FSHR: variants seen among roughly 807,000 people sequenced by gnomAD.
The protein encoded by FSHR is follicle-stimulating hormone receptor.
A neutral mutation model predicts 52.1 loss-of-function variants in FSHR; 46 were observed. The observed-to-expected ratio is 0.88, with a 90% CI of 0.70 to 1.13. The LOEUF is 1.13. Ranked by LOEUF, FSHR falls within the 50% of genes most tolerant of loss-of-function variation. The pLI is 0.00. For synonymous variants in FSHR, 399 were observed against 309.6 expected (o/e 1.29, Z -3.03); for missense variants, 964 against 834.6 (o/e 1.16, Z -1.91).
intron 2 of FSHR, among the ~76,000 whole-genome samples, chr2:49,021,113 A>G: frequency 6.6e-6 from 1 of 152,202 alleles, no homozygotes; most frequent in East Asian, 1.9e-4. Context: ...GAAAAATAAT[A>G]AAATAAAACA....
intron 2 of FSHR, among the ~76,000 whole-genome samples, chr2:49,030,048 A>T (rs965672136): frequency 6.6e-6 from 1 of 152,120 alleles, no homozygotes; most frequent in Non-Finnish European, 1.5e-5. Context: ...CGGCAGACCT[A>T]TCAGGGAGTA....
rs1363495760 is a variant in FSHR, at chr2:48,962,890, C to T, written c.1931G>A (p.Cys644Tyr). Residue 644 changes from cysteine (C) to tyrosine (Y), a missense_variant, in exon 10 of 10, where the codon TGT (cysteine) becomes TAT (tyrosine). Physicochemically the swap from Cys to Tyr is radical, Grantham distance 194. Coordinates refer to ENST00000406846, the MANE Select transcript of FSHR (RefSeq NM_000145.4). ...TTGGGCTTGCATTTCATAGCAGCCACACTTGCTCAGCAGAATGAAGAAATC... is the reference window on the plus strand; with the variant it reads ...TTGGGCTTGCATTTCATAGCAGCCATACTTGCTCAGCAGAATGAAGAAATC... ...RRDFFILLSKCGCYEMQAQIY... is the reference protein window; with the variant it reads ...RRDFFILLSKYGCYEMQAQIY... 6.2e-7 allele frequency: 1 copy of T among 1,614,150 alleles called. No individual in the cohort carries two copies. Among genetic ancestry groups the T allele is most frequent in the Non-Finnish European group, 8.5e-7 (1 of 1,180,026 alleles).
At chr2:48,964,678 A>G (rs1674389602) in intron 9 of FSHR, among the ~76,000 whole-genome samples, 1 of 152,166 alleles carries the variant, frequency 6.6e-6, no homozygotes, top group Non-Finnish European at 1.5e-5. Flanking sequence ...GCAAGCTGCA[A>G]AAGGACCTAA....
intron 6 of FSHR, among the ~76,000 whole-genome samples, chr2:48,988,216 A>G (rs1472582290): frequency 1.3e-5 from 2 of 152,228 alleles, no homozygotes; most frequent in African/African-American, 4.8e-5. Flanking sequence ...ATATTTTAAA[A>G]ACTCATACTG....
intron 1 of FSHR, among the ~76,000 whole-genome samples, chr2:49,133,538 T>C (rs1426634266): frequency 1.3e-5 from 2 of 152,118 alleles, no homozygotes; most frequent in Non-Finnish European, 2.9e-5. Flanking sequence ...AAGCTACCAA[T>C]GACTTTCTTC....
At chr2:49,050,268 C>A (rs896307802) in intron 2 of FSHR, among the ~76,000 whole-genome samples, 2 of 152,066 alleles carry the variant, frequency 1.3e-5, no homozygotes, top group Non-Finnish European at 1.5e-5. Context: ...AGTTTGCAAA[C>A]CCTTGTACTA....
intron 1 of FSHR, among the ~76,000 whole-genome samples, chr2:49,091,423 C>A (rs1670604030): frequency 6.6e-6 from 1 of 152,082 alleles, no homozygotes; most frequent in African/African-American, 2.4e-5. Context: ...TTCCCCTCAG[C>A]CTCTTTAGTA....
At chr2:49,051,546 T>C (rs1043332341) in intron 2 of FSHR, among the ~76,000 whole-genome samples, 4 of 152,116 alleles carry the variant, frequency 2.6e-5, no homozygotes, top group South Asian at 2.1e-4. Context: ...CTACTTATTT[T>C]TTACTTCTTT....
chr2:49,091,441 C>G (rs1169245037), intron 1 of FSHR, among the ~76,000 whole-genome samples: 1 of 152,036 alleles, frequency 6.6e-6, no homozygotes, highest in East Asian at 1.9e-4. Flanking sequence ...GTAGCTGGGA[C>G]TACAGGTGTG....
At chr2:49,141,268 T>TA (rs1485656277) in intron 1 of FSHR, among the ~76,000 whole-genome samples, 2 of 152,124 alleles carry the variant, frequency 1.3e-5, no homozygotes, top group East Asian at 1.9e-4. Flanking sequence ...GCATTGCTAT[T>TA]AAAAAATACC....
At chr2:48,998,723 C>T (rs973547524) in intron 4 of FSHR, among the ~76,000 whole-genome samples, 1 of 151,752 alleles carries the variant, frequency 6.6e-6, no homozygotes, top group East Asian at 1.9e-4. Flanking sequence ...TCAACTTTGA[C>T]AGCCATTAAA....
At chr2:49,023,228 T>C (rs902913050) in intron 2 of FSHR, among the ~76,000 whole-genome samples, 3 of 152,236 alleles carry the variant, frequency 2.0e-5, no homozygotes, top group Non-Finnish European at 2.9e-5. Context: ...ATTTCTCAGC[T>C]GAAGCAATCA....
intron 4 of FSHR, among the ~76,000 whole-genome samples, chr2:49,001,253 C>G (rs888863949): frequency 6.6e-6 from 1 of 152,032 alleles, no homozygotes; most frequent in Non-Finnish European, 1.5e-5. Flanking sequence ...GAAGGAGGTA[C>G]TATTATAAAC....
chr2:49,077,328 C>T (rs1308498315), intron 1 of FSHR, among the ~76,000 whole-genome samples: 1 of 152,216 alleles, frequency 6.6e-6, no homozygotes, highest in Non-Finnish European at 1.5e-5. Flanking sequence ...GAAGCTATGG[C>T]CCGAGCTCTA....
chr2:49,013,283 C>T (rs372157073), intron 4 of FSHR, among the ~76,000 whole-genome samples: 15 of 151,414 alleles, frequency 9.9e-5, no homozygotes, highest in South Asian at 6.3e-4. Context: ...ATTTACTTAG[C>T]GTATGGTATT....
chr2:49,088,166 G>A lies in FSHR; in HGVS notation c.153-19876C>T, dbSNP rs567032921. Among the ~76,000 whole-genome samples, 6 of 152,318 alleles carry A rather than the reference G, an allele frequency of 3.9e-5. No homozygotes were observed. In the South Asian group the frequency reaches 1.2e-3, roughly 32 times the overall value. The stretch of plus-strand genomic sequence containing the variant: ...AAGCCTGTCTGGTCCCAAAGCCCAT[G>A]CGCACAAGTCTGCGTGTGTATGTGG... On this transcript the variant is annotated intron_variant, in intron 1 of 9. Coordinates refer to ENST00000406846, the MANE Select transcript of FSHR (RefSeq NM_000145.4).
At chr2:49,025,532 T>C (rs144658088) in intron 2 of FSHR, among the ~76,000 whole-genome samples, 1 of 152,170 alleles carries the variant, frequency 6.6e-6, no homozygotes, top group African/African-American at 2.4e-5. Context: ...ATGCATATAA[T>C]ATAATTATAA....
intron 1 of FSHR, among the ~76,000 whole-genome samples, chr2:49,087,524 G>A (rs1670445587): frequency 6.6e-6 from 1 of 152,144 alleles, no homozygotes; most frequent in Non-Finnish European, 1.5e-5. Flanking sequence ...GCCCTAATTA[G>A]CTTATGTTCT....
chr2:49,036,788 A>G (rs1190080002), intron 2 of FSHR, among the ~76,000 whole-genome samples: 1 of 152,216 alleles, frequency 6.6e-6, no homozygotes, highest in Non-Finnish European at 1.5e-5. Flanking sequence ...AAAGACTAAA[A>G]CAGTGATGTT....
Sources: allele counts gnomAD v4.1 joint callset (sites outside exome capture counted in the v4.1 genomes callset), GRCh38; gene constraint gnomAD v4.1.1; transcripts MANE v1.5; gene names NCBI Gene and HGNC (gene_info 2026-07-23, HGNC 2026-07-21).